Variants in DACH2 observed in about 807,000 individuals in gnomAD.
DACH2 encodes the protein dachshund family transcription factor 2.
DACH2 carries 17 observed loss-of-function variants against 35.8 expected under a neutral mutation model. The ratio of observed to expected loss-of-function variants is 0.48; its 90% confidence interval spans 0.33 to 0.71. The LOEUF is 0.71. DACH2 is among the 30% of genes least tolerant of loss of function. The probability of loss-of-function intolerance (pLI) is 0.02; values close to 1 mark genes in which losing one functional copy is unlikely to be tolerated. For missense variants in DACH2, 469 were observed against 472.7 expected, an observed-to-expected ratio of 0.99 and a Z score of 0.07; for synonymous variants, 195 against 177.3, an observed-to-expected ratio of 1.10 and a Z score of -0.79.
At chrX:86,554,526 CTAATTA>C (rs1294096913) in intron 3 of DACH2, among the ~76,000 whole-genome samples, 1 of 111,539 alleles carries the variant, frequency 9.0e-6, no homozygotes, top group Non-Finnish European at 1.9e-5. Flanking sequence ...ATATATTATT[CTAATTA>C]TAATTGATGG....
intron 1 of DACH2, among the ~76,000 whole-genome samples, chrX:86,176,654 T>C (rs2031314084): frequency 8.9e-6 from 1 of 112,123 alleles, no homozygotes. Flanking sequence ...ACTGAAGGTA[T>C]TGTTTTCAAA....
Position 86,571,030 on chromosome X carries a change from G to A in DACH2, c.640+56639G>A, listed in dbSNP as rs372706015. Among the ~76,000 whole-genome samples the A allele has an allele frequency of 1.8e-4, 20 of 111,057 alleles. No individual in the cohort carries two copies. In the East Asian group the frequency reaches 4.9e-3, roughly 27 times the overall value. ...TTTTTGCCTAACACAATGACACAGA[G>A]ATTTTCTACTGTGTTTTCTTATAGA... On this transcript the variant is annotated intron_variant, in intron 3 of 11. Coordinates refer to ENST00000373125, the MANE Select transcript of DACH2 (RefSeq NM_053281.3).
chrX:86,635,180 A>G (rs1310577300), intron 3 of DACH2, among the ~76,000 whole-genome samples: 1 of 111,283 alleles, frequency 9.0e-6, no homozygotes, highest in African/African-American at 3.3e-5. Flanking sequence ...TCAATCAAGT[A>G]GGCTTTATTC....
At chrX:86,541,792 T>A (rs2038886335) in intron 3 of DACH2, among the ~76,000 whole-genome samples, 1 of 111,651 alleles carries the variant, frequency 9.0e-6, no homozygotes, top group Non-Finnish European at 1.9e-5. Flanking sequence ...ATTTTGTAAA[T>A]GAAGAAATCA....
intron 2 of DACH2, among the ~76,000 whole-genome samples, chrX:86,417,225 TC>T (rs1209349334): frequency 9.2e-6 from 1 of 108,125 alleles, no homozygotes; most frequent in Non-Finnish European, 1.9e-5. Context: ...CCCAAACATC[TC>T]CCATCTGGCT....
chrX:86,739,622 C>A lies in DACH2; in HGVS notation c.1105-125C>A, dbSNP rs755093021. On this transcript the variant is annotated intron_variant, in intron 6 of 11. Coordinates refer to ENST00000373125, the MANE Select transcript of DACH2 (RefSeq NM_053281.3). ...TTGTTTAAATATATGTATTTAAGAC[C>A]AATTATTGTAGATGTGTACACTTTC... The A allele has an allele frequency of 4.1e-6, 3 of 732,848 alleles. No homozygotes were observed. The East Asian group carries it at 1.1e-4, about 28-fold the overall frequency. The allele number at this position is 732,848 out of a possible 1,213,427, so 60.4% of individuals were successfully genotyped here. A position where few individuals can be genotyped will look rare whatever the true frequency, so the allele number is the denominator to read the frequency against.
At chrX:86,755,464 G>A (rs2041817299) in intron 7 of DACH2, among the ~76,000 whole-genome samples, 1 of 110,723 alleles carries the variant, frequency 9.0e-6, no homozygotes, top group African/African-American at 3.3e-5. Flanking sequence ...TATCATGTGT[G>A]CTTTAGAGGT....
intron 2 of DACH2, among the ~76,000 whole-genome samples, chrX:86,454,081 C>T (rs747592130): frequency 9.0e-6 from 1 of 111,447 alleles, no homozygotes; most frequent in African/African-American, 3.3e-5. Context: ...GAAATTTTTT[C>T]TTTAAAAATT....
At chrX:86,754,530 A>G (rs2041807683) in intron 7 of DACH2, among the ~76,000 whole-genome samples, 1 of 111,036 alleles carries the variant, frequency 9.0e-6, no homozygotes, top group African/African-American at 3.3e-5. Context: ...TTCTATCTAA[A>G]TATATGGTTG....
intron 3 of DACH2, among the ~76,000 whole-genome samples, chrX:86,617,252 T>A (rs1256833891): frequency 6.3e-5 from 7 of 111,550 alleles, no homozygotes; most frequent in Non-Finnish European, 1.3e-4. Flanking sequence ...TAGGCTCTTT[T>A]TTTTGTTGTT....
Position 86,654,402 on chromosome X carries a change from T to C in DACH2, c.772+3235T>C, listed in dbSNP as rs1008640925. On this transcript the variant is annotated intron_variant, in intron 4 of 11. Transcript: ENST00000373125. ...GCAATTAAAGAGGAAAATTATTGAA[T>C]GAAATCAGTATGAGAAACTACTCTG... 2.7e-5 allele frequency among the ~76,000 whole-genome samples: 3 copies of C among 110,010 alleles called. No homozygotes were observed. The East Asian group carries it at 8.6e-4, about 32-fold the overall frequency.
intron 1 of DACH2, chrX:86,304,949 C>A (rs924785326): frequency 7.9e-6 from 1 of 125,829 alleles, no homozygotes; most frequent in African/African-American, 3.2e-5. Flanking sequence ...CAGTGAGCAG[C>A]AACAGACTGA....
intron 6 of DACH2, among the ~76,000 whole-genome samples, chrX:86,735,287 T>A (rs773512366): frequency 2.7e-5 from 3 of 111,657 alleles, no homozygotes; most frequent in African/African-American, 9.7e-5. Flanking sequence ...ATGAAATAAA[T>A]GGCCTCTATG....
intron 1 of DACH2, among the ~76,000 whole-genome samples, chrX:86,190,931 C>A (rs1016066789): frequency 7.2e-5 from 8 of 110,806 alleles, no homozygotes; most frequent in Non-Finnish European, 1.3e-4. Context: ...GCAACAAGGG[C>A]AAAACTTCAT....
At chrX:86,262,435 C>A (rs1162448180) in intron 1 of DACH2, among the ~76,000 whole-genome samples, 4 of 112,128 alleles carry the variant, frequency 3.6e-5, no homozygotes, top group Non-Finnish European at 7.5e-5. Context: ...TTGCATATAT[C>A]AGCAGTGTAT....
intron 1 of DACH2, among the ~76,000 whole-genome samples, chrX:86,188,006 G>T (rs1280920131): frequency 8.9e-6 from 1 of 112,224 alleles, no homozygotes; most frequent in Non-Finnish European, 1.9e-5. Context: ...GACTACTGAT[G>T]TGGAAATGGT....
chrX:86,825,389 C>T (rs2042553807), intron 11 of DACH2, among the ~76,000 whole-genome samples: 1 of 108,352 alleles, frequency 9.2e-6, no homozygotes, highest in African/African-American at 3.4e-5. Context: ...TGCACTCCAG[C>T]CTGTGCAACA....
At chrX:86,261,487 A>G (rs1167646132) in intron 1 of DACH2, among the ~76,000 whole-genome samples, 1 of 111,633 alleles carries the variant, frequency 9.0e-6, no homozygotes, top group Non-Finnish European at 1.9e-5. Flanking sequence ...TCCATTTTCT[A>G]CTGCCTTGTG....
chrX:86,526,027 A>G (rs1308624344), intron 3 of DACH2, among the ~76,000 whole-genome samples: 5 of 111,875 alleles, frequency 4.5e-5, no homozygotes, highest in Non-Finnish European at 7.5e-5. Context: ...ACATTTACAT[A>G]GCACAATAAA....
Sources: allele counts gnomAD v4.1 joint callset (sites outside exome capture counted in the v4.1 genomes callset), GRCh38; gene constraint gnomAD v4.1.1; transcripts MANE v1.5; gene names NCBI Gene and HGNC (gene_info 2026-07-23, HGNC 2026-07-21).